Variants in CPQ observed in about 807,000 individuals in gnomAD.
The protein encoded by CPQ is Ser-Met dipeptidase.
A neutral mutation model predicts 45.7 loss-of-function variants in CPQ; 37 were observed. The ratio of observed to expected loss-of-function variants is 0.81; its 90% CI spans 0.62 to 1.07. The LOEUF (loss-of-function observed/expected upper bound fraction) is 1.07, where lower values mean the gene tolerates loss of function less well. Among genes scored for constraint, CPQ ranks in the 50% least tolerant of loss-of-function variants. The pLI is 0.00. For synonymous variants in CPQ, 186 were observed against 205.8 expected (o/e 0.90, Z 0.82); for missense variants, 537 against 572.9 (o/e 0.94, Z 0.64).
rs367581483 is a variant in CPQ, at chr8:97,066,034, T to G, written c.1079T>G (p.Val360Gly). The change falls in exon 7 of 8, where the codon GTG becomes GGG. Residue 360 changes from valine to glycine, a missense_variant. Transcript: ENST00000220763. ...HKVNISNYSL[V>G]MESDAGTFLP... The stretch of plus-strand genomic sequence containing the variant: ...GTAAATATTTCCAACTACAGTCTGG[T>G]GATGGAGTCTGACGCAGGAACCTTC... 6.2e-7 allele frequency: 1 copy of G among 1,611,326 alleles called. No homozygotes were observed. Among genetic ancestry groups the G allele is most frequent in the African/African-American group, 1.3e-5 (1 of 74,790 alleles).
chr8:96,929,082 A>C (rs2130917037), intron 4 of CPQ, among the ~76,000 whole-genome samples: 1 of 152,336 alleles, frequency 6.6e-6, no homozygotes, highest in East Asian at 1.9e-4. Flanking sequence ...ACAAGCATTT[A>C]TATTAAGAGC....
chr8:96,926,624 TC>T (rs1812891762), intron 4 of CPQ, among the ~76,000 whole-genome samples: 2 of 123,076 alleles, frequency 1.6e-5, no homozygotes, highest in African/African-American at 7.8e-5. Context: ...CTTCTTCTTC[TC>T]CTCCTTCTCC....
At chr8:97,001,721 C>CTTTTTTTTTTTTTTTTTTTTTTTGTTTTT (rs1809285245) in intron 5 of CPQ, among the ~76,000 whole-genome samples, 1 of 92,092 alleles carries the variant, frequency 1.1e-5, no homozygotes, top group Non-Finnish European at 2.0e-5. Flanking sequence ...TTCTTTCTTT[C>CTTTTTTTTTTTTTTTTTTTTTTTGTTTTT]TTTTTTTTTT....
At chr8:96,708,829 A>G (rs1809569095) in intron 1 of CPQ, among the ~76,000 whole-genome samples, 1 of 152,152 alleles carries the variant, frequency 6.6e-6, no homozygotes, top group African/African-American at 2.4e-5. Flanking sequence ...AAATGGAATT[A>G]CTACCTACAT....
intron 1 of CPQ, among the ~76,000 whole-genome samples, chr8:96,749,588 G>C (rs556874541): frequency 6.6e-6 from 1 of 152,276 alleles, no homozygotes; most frequent in Admixed American, 6.5e-5. Context: ...GCTTGGAAGG[G>C]GAGCTTTTCT....
At chr8:96,949,610 A>G (rs919295772) in intron 4 of CPQ, among the ~76,000 whole-genome samples, 3 of 152,042 alleles carry the variant, frequency 2.0e-5, no homozygotes, top group African/African-American at 7.2e-5. Context: ...TTTCCCTCAC[A>G]GGCTTAAATT....
At chr8:96,964,675 A>G (rs1033534295) in intron 4 of CPQ, among the ~76,000 whole-genome samples, 6 of 152,102 alleles carry the variant, frequency 3.9e-5, no homozygotes, top group Non-Finnish European at 5.9e-5. Context: ...TTGTTAACCA[A>G]TGTGTGAGGA....
chr8:96,792,405 A>T lies in CPQ; in HGVS notation c.433+7075A>T, dbSNP rs1190432823. On this transcript the variant is annotated intron_variant, in intron 2 of 7. Transcript: ENST00000220763. ...CCAGCAGACATAACTCTGGGTCTTC[A>T]TGGTTTATGGTCTCTGAGCCCAACA... Among the ~76,000 whole-genome samples, 3 of 152,208 alleles carry T rather than the reference A, an allele frequency of 2.0e-5. No homozygotes were observed. The East Asian group carries it at 5.8e-4, about 29-fold the overall frequency.
At chr8:97,106,460 C>A (rs189212706) in intron 7 of CPQ, among the ~76,000 whole-genome samples, 417 of 152,350 alleles carry the variant, frequency 2.7e-3, no homozygotes, top group African/African-American at 9.3e-3. Context: ...GCTTAGGATA[C>A]CTCAGTGAGG....
chr8:96,974,277 A>G (rs1478283122), intron 5 of CPQ, among the ~76,000 whole-genome samples: 2 of 152,192 alleles, frequency 1.3e-5, no homozygotes, highest in Non-Finnish European at 2.9e-5. Context: ...AGATGAAGAG[A>G]GACATTATAT....
intron 1 of CPQ, among the ~76,000 whole-genome samples, chr8:96,676,667 C>T (rs1414922003): frequency 2.0e-5 from 3 of 151,796 alleles, no homozygotes; most frequent in Admixed American, 2.0e-4. Flanking sequence ...TTTGTATTTG[C>T]TTTTTTAAAA....
chr8:96,665,212 G>A (rs924353426), intron 1 of CPQ, among the ~76,000 whole-genome samples: 2 of 152,082 alleles, frequency 1.3e-5, no homozygotes, highest in African/African-American at 4.8e-5. Context: ...CAAAAGCAAG[G>A]GAGAAAAAGC....
chr8:96,734,890 G>A (rs993324476), intron 1 of CPQ, among the ~76,000 whole-genome samples: 1 of 151,840 alleles, frequency 6.6e-6, no homozygotes, highest in Non-Finnish European at 1.5e-5. Context: ...ATTTTGCTAT[G>A]CTACTCGCTC....
chr8:96,970,839 A>C (rs1451235124), intron 5 of CPQ, among the ~76,000 whole-genome samples: 1 of 152,176 alleles, frequency 6.6e-6, no homozygotes, highest in Admixed American at 6.5e-5. Context: ...CTGGGATTAC[A>C]GGCGTGAGCC....
intron 2 of CPQ, among the ~76,000 whole-genome samples, chr8:96,813,531 A>T (rs1811185627): frequency 6.6e-6 from 1 of 152,194 alleles, no homozygotes; most frequent in Non-Finnish European, 1.5e-5. Flanking sequence ...TTTTAGAAGG[A>T]GAAGCCAATC....
chr8:96,783,903 G>A (rs897751673), intron 1 of CPQ, among the ~76,000 whole-genome samples: 7 of 152,098 alleles, frequency 4.6e-5, no homozygotes, highest in Non-Finnish European at 7.4e-5. Flanking sequence ...TTTACCTATT[G>A]TGCATTAGTA....
intron 6 of CPQ, among the ~76,000 whole-genome samples, chr8:97,049,788 A>G (rs1586515004): frequency 1.3e-5 from 2 of 152,308 alleles, no homozygotes; most frequent in East Asian, 1.9e-4. Flanking sequence ...AATACCTTCA[A>G]TCCAGAGTCT....
intron 4 of CPQ, among the ~76,000 whole-genome samples, chr8:96,950,913 T>C (rs187802533): frequency 6.6e-6 from 1 of 152,230 alleles, no homozygotes; most frequent in Admixed American, 6.5e-5. Flanking sequence ...AGAGGTGGAC[T>C]TCAAATCCCG....
chr8:96,678,887 T>C (rs1297552189), intron 1 of CPQ, among the ~76,000 whole-genome samples: 1 of 151,882 alleles, frequency 6.6e-6, no homozygotes, highest in South Asian at 2.1e-4. Flanking sequence ...CTCTGTTGAT[T>C]GTTTTCTTTG....
Sources: allele counts gnomAD v4.1 joint callset (sites outside exome capture counted in the v4.1 genomes callset), GRCh38; gene constraint gnomAD v4.1.1; transcripts MANE v1.5; gene names NCBI Gene and HGNC (gene_info 2026-07-23, HGNC 2026-07-21).